PRMT8: variants seen among roughly 807,000 people sequenced by gnomAD.
The protein encoded by PRMT8 is protein arginine methyltransferase 8.
A neutral mutation model predicts 47.1 loss-of-function variants in PRMT8; 7 were observed. That is an observed-to-expected ratio of 0.15 (90% CI 0.08 to 0.28). The LOEUF is 0.28. PRMT8 is among the 10% of genes least tolerant of loss of function. The probability of loss-of-function intolerance (pLI) is 1.00; values close to 1 mark genes in which losing one functional copy is unlikely to be tolerated. For missense variants in PRMT8, 237 were observed against 505.4 expected (o/e 0.47, Z 5.09); for synonymous variants, 188 against 186.5 (o/e 1.01, Z -0.07).
intron 1 of PRMT8, among the ~76,000 whole-genome samples, chr12:3,444,881 G>A (rs547996435): frequency 3.9e-5 from 6 of 152,336 alleles, no homozygotes; most frequent in South Asian, 2.1e-4. Context: ...CCCCACCCGG[G>A]GCTATGGCGT....
At chr12:3,549,867 T>G (rs1024259487) in intron 2 of PRMT8, 69 bp from the exon 3 acceptor site, 12 of 1,572,288 alleles carry the variant, frequency 7.6e-6, no homozygotes, top group Admixed American at 5.1e-5. Flanking sequence ...GTCCAGGGGC[T>G]CATAGCCATG....
chr12:3,581,124 T>A (rs1349527343), intron 7 of PRMT8, among the ~76,000 whole-genome samples: 1 of 152,122 alleles, frequency 6.6e-6, no homozygotes, highest in African/African-American at 2.4e-5. Context: ...GCTATAAGTA[T>A]GTGCCAATGG....
rs910236497 is a variant in PRMT8, at chr12:3,576,545, AG to A, written c.713-324del. On this transcript the variant is annotated intron_variant, in intron 6 of 9. Transcript: ENST00000382622. The surrounding 1 kb of genome is among the most constrained non-coding windows in gnomAD (Gnocchi z 4.0). ...CTGCTGGCTTGGGGAGGGGACAGGA[AG>A]GAAGAGTCAGCTAGCCTGGGTTCTA... 6.6e-6 allele frequency among the ~76,000 whole-genome samples: 1 copy of A among 151,780 alleles called. No individual in the cohort carries two copies. Among genetic ancestry groups the A allele is most frequent in the African/African-American group, 2.4e-5 (1 of 41,080 alleles).
At chr12:3,582,378 C>T (rs1021097860) in intron 7 of PRMT8, among the ~76,000 whole-genome samples, 15 of 152,176 alleles carry the variant, frequency 9.9e-5, no homozygotes, top group Admixed American at 9.8e-4. Flanking sequence ...CTTATTTTCC[C>T]CTTTTATTTA....
intron 1 of PRMT8, among the ~76,000 whole-genome samples, chr12:3,459,397 G>A (rs1016388625): frequency 6.6e-6 from 1 of 152,070 alleles, no homozygotes; most frequent in Non-Finnish European, 1.5e-5. Flanking sequence ...CTCGATCGAG[G>A]GGAAGCTCCT....
Position 3,554,699 on chromosome 12 carries a change from G to A in PRMT8, c.481+985G>A, listed in dbSNP as rs75114600. On this transcript the variant is annotated intron_variant, in intron 4 of 9. Coordinates refer to ENST00000382622, the MANE Select transcript of PRMT8 (RefSeq NM_019854.5). ...GCAGGGGGAAAAAGAGGCCAGGTTG[G>A]GAAGGAATCTGATTTCAGTGTCCCT... 2.6e-3 allele frequency among the ~76,000 whole-genome samples: 401 copies of A among 152,280 alleles called. 4 individuals are homozygous for A. The East Asian group carries it at 0.052, about 20-fold the overall frequency.
intron 1 of PRMT8, among the ~76,000 whole-genome samples, chr12:3,454,687 G>A (rs1864955309): frequency 6.6e-6 from 1 of 152,104 alleles, no homozygotes; most frequent in African/African-American, 2.4e-5. Context: ...AAAGGAAGGG[G>A]AGGAGTGAAA....
intron 1 of PRMT8, among the ~76,000 whole-genome samples, chr12:3,516,384 T>C (rs537450745): frequency 3.5e-4 from 54 of 152,358 alleles, no homozygotes; most frequent in African/African-American, 1.2e-3. Flanking sequence ...CAAATATTTA[T>C]TGAATGTTCA....
chr12:3,577,423 G>A (rs748160721), intron 7 of PRMT8, among the ~76,000 whole-genome samples: 18 of 152,058 alleles, frequency 1.2e-4, no homozygotes, highest in Admixed American at 5.9e-4. Flanking sequence ...TTGCCCCAGC[G>A]GCCTGCCAGA....
intron 1 of PRMT8, among the ~76,000 whole-genome samples, chr12:3,437,006 C>A (rs894468841): frequency 6.6e-6 from 1 of 152,172 alleles, no homozygotes; most frequent in East Asian, 1.9e-4. Flanking sequence ...AAATAAGGGT[C>A]CTCTTTTACC....
chr12:3,441,826 G>A (rs994804567), intron 1 of PRMT8, among the ~76,000 whole-genome samples: 43 of 152,182 alleles, frequency 2.8e-4, no homozygotes, highest in Admixed American at 2.0e-4. Flanking sequence ...ACTACAAAGA[G>A]GACCTAAAAA....
Position 3,566,348 on chromosome 12 carries a change from C to T in PRMT8, c.482-2358C>T, listed in dbSNP as rs1278209916. 6.6e-6 allele frequency among the ~76,000 whole-genome samples: 1 copy of T among 152,190 alleles called. No individual in the cohort carries two copies. Among genetic ancestry groups the T allele is most frequent in the Non-Finnish European group, 1.5e-5 (1 of 68,022 alleles). On this transcript the variant is annotated intron_variant, in intron 4 of 9. Transcript: ENST00000382622. This position sits in a 1 kb window ranked among gnomAD's most constrained non-coding sequence, Gnocchi z 4.7. ...CTGGGGTCTCTGAGACCCAGAGAAA[C>T]TTCAACACCTACCCCTCCCACTCCC...
intron 1 of PRMT8, among the ~76,000 whole-genome samples, chr12:3,423,831 A>G (rs1864569170): frequency 6.6e-6 from 1 of 152,208 alleles, no homozygotes. Flanking sequence ...CCAGACAACT[A>G]AGTCATCCTA....
Position 3,566,759 on chromosome 12 carries a change from C to A in PRMT8, c.482-1947C>A, listed in dbSNP as rs991765374. Among the ~76,000 whole-genome samples the A allele has an allele frequency of 6.6e-6, 1 of 152,152 alleles. No individual in the cohort carries two copies. The highest frequency in any genetic ancestry group is 1.5e-5 in the Non-Finnish European group (1 of 68,014). On this transcript the variant is annotated intron_variant, in intron 4 of 9. Coordinates refer to ENST00000382622, the MANE Select transcript of PRMT8 (RefSeq NM_019854.5). The surrounding 1 kb of genome is among the most constrained non-coding windows in gnomAD (Gnocchi z 4.7). ...TTTGATTTTTACTCCTAAGTACAGG[C>A]CATTGTTTGTTTTTCCCAGCAAAGC...
At position 3,589,279 on chromosome 12, in the gene PRMT8, C is replaced by T. The variant is rs78454802; in HGVS notation, c.980-2952C>T. ...CCAGGCACAGCAGGAGGTTTGATCA[C>T]CCTTAGTCTATGATCCTTTCCCTTT... On this transcript the variant is annotated intron_variant, in intron 8 of 9. Transcript: ENST00000382622. Among the ~76,000 whole-genome samples the T allele has an allele frequency of 1.2e-3, 182 of 152,282 alleles. 1 individual carries two copies. The highest frequency in any genetic ancestry group is 4.1e-3 in the African/African-American group (169 of 41,546).
intron 1 of PRMT8, among the ~76,000 whole-genome samples, chr12:3,402,539 A>G (rs1379150923): frequency 6.6e-6 from 1 of 152,234 alleles, no homozygotes; most frequent in African/African-American, 2.4e-5. Flanking sequence ...CAGACATCCT[A>G]CAGAATGGGA....
chr12:3,482,989 C>T (rs1042135475), intron 1 of PRMT8, among the ~76,000 whole-genome samples: 6 of 152,154 alleles, frequency 3.9e-5, no homozygotes, highest in African/African-American at 1.4e-4. Flanking sequence ...GAGGTCTGTG[C>T]CATCGCTGGT....
chr12:3,444,535 G>T (rs1591551674), intron 1 of PRMT8, among the ~76,000 whole-genome samples: 1 of 152,186 alleles, frequency 6.6e-6, no homozygotes, highest in Non-Finnish European at 1.5e-5. Context: ...TTTCTTCTAG[G>T]CATGTTTTGT....
rs538715443 is a variant in PRMT8 at position 3,449,092 on chromosome 12, A to G, written c.48+67650A>G. 1.0e-3 allele frequency among the ~76,000 whole-genome samples: 157 copies of G among 152,302 alleles called. 1 individual carries two copies. Among genetic ancestry groups the G allele is most frequent in the African/African-American group, 3.6e-3 (150 of 41,558 alleles). The stretch of plus-strand genomic sequence containing the variant: ...TCATTCCTTTTTATGGCTGCATAGT[A>G]TTCTGTGGTGTATATGTACCACATT... On this transcript the variant is annotated intron_variant, in intron 1 of 9. Transcript: ENST00000452611.
Sources: gnomAD v4.1 joint callset for allele counts (sites outside exome capture counted in the v4.1 genomes callset) on GRCh38, gnomAD v4.1.1 for gene constraint, Gnocchi (gnomAD v3.1) non-coding constraint, MANE v1.5 for transcripts, NCBI Gene and HGNC (gene_info 2026-07-23, HGNC 2026-07-21) for gene names.